KRT76: variants seen among roughly 807,000 people sequenced by gnomAD.
KRT76 encodes the protein keratin 76.
A neutral mutation model predicts 44.9 loss-of-function variants in KRT76; 47 were observed. The ratio of observed to expected loss-of-function variants is 1.05; its 90% CI spans 0.83 to 1.33. The LOEUF is 1.33. Ranked by LOEUF, KRT76 falls within the 40% of genes most tolerant of loss-of-function variation. The pLI, the probability that KRT76 is intolerant of heterozygous loss-of-function variation, is 0.00. For synonymous variants in KRT76, 331 were observed against 294.1 expected (o/e 1.13, Z -1.28); for missense variants, 860 against 775.8 (o/e 1.11, Z -1.29).
rs758251215 is a variant in KRT76, at chr12:52,776,708, G to T, written c.584C>A (p.Ala195Asp). ...EQIKTLNNKF[A>D]SFIDKVRFLE... is the part of the protein sequence containing the mutation. The stretch of plus-strand genomic sequence containing the variant: ...TGCCCTCACCTTGTCGATGAAGGAG[G>T]CAAACTTGTTGTTGAGGGTCTTGAT... Residue 195 changes from alanine (A) to aspartate (D), a missense_variant, in exon 1 of 9, where the codon GCC becomes GAC. Coordinates refer to ENST00000332411, the MANE Select transcript of KRT76 (RefSeq NM_015848.4). 6.2e-7 allele frequency: 1 copy of T among 1,613,996 alleles called. No homozygotes were observed. Among genetic ancestry groups the T allele is most frequent in the Non-Finnish European group, 8.5e-7 (1 of 1,180,050 alleles).
chr12:52,771,794 C>A, intron 6 of KRT76, 77 bp downstream of exon 6: 6 of 1,501,778 alleles, frequency 4.0e-6, no homozygotes, highest in Non-Finnish European at 5.4e-6. Flanking sequence ...GAGCATGTAG[C>A]AGAGGAGCAG....
rs538095107 is a variant in KRT76, at chr12:52,773,024, A to T, written c.877-146T>A. ...TCTCATCTTCCCTTTTAAAATAAGG[A>T]AGATCAAAATGGCTTTCTTCCTTTT... On this transcript the variant is annotated intron_variant, in intron 3 of 8. Transcript: ENST00000332411. 3.6e-5 allele frequency: 22 copies of T among 608,882 alleles called. No individual in the cohort carries two copies. The South Asian group carries it at 4.4e-4, about 12-fold the overall frequency. The allele number at this position is 608,882 out of a possible 1,614,324, so 37.7% of individuals were successfully genotyped here.
intron 7 of KRT76, among the ~76,000 whole-genome samples, chr12:52,770,052 C>A (rs1355679971): frequency 6.6e-6 from 1 of 152,168 alleles, no homozygotes; most frequent in Non-Finnish European, 1.5e-5. Context: ...GGGGCTGAAA[C>A]TCAATGCAGG....
At chr12:52,773,376 C>G (rs1285572232) in intron 3 of KRT76, among the ~76,000 whole-genome samples, 1 of 152,206 alleles carries the variant, frequency 6.6e-6, no homozygotes, top group African/African-American at 2.4e-5. Flanking sequence ...TCATTAGTCA[C>G]AGTAACATTT....
At chr12:52,773,746 C>A (rs1011208505) in intron 2 of KRT76, 104 bp from the exon 3 acceptor site, 3 of 863,558 alleles carry the variant, frequency 3.5e-6, no homozygotes, top group Admixed American at 2.1e-5. Context: ...ACAGGACGAG[C>A]TTCATGGGCA....
chr12:52,775,893 T>G (rs1939254453), intron 1 of KRT76, among the ~76,000 whole-genome samples: 1 of 152,052 alleles, frequency 6.6e-6, no homozygotes, highest in South Asian at 2.1e-4. Context: ...ACTCAAAGAG[T>G]TTAAGTTTCC....
At chr12:52,771,522 C>G (rs1939181509) in intron 6 of KRT76, among the ~76,000 whole-genome samples, 1 of 152,178 alleles carries the variant, frequency 6.6e-6, no homozygotes, top group Non-Finnish European at 1.5e-5. Context: ...CTTGCCTAAT[C>G]ACTTCATTCC....
chr12:52,773,251 T>A (rs1343616041), intron 3 of KRT76, among the ~76,000 whole-genome samples: 2 of 152,230 alleles, frequency 1.3e-5, no homozygotes, highest in Non-Finnish European at 2.9e-5. Flanking sequence ...GGTTTAAATA[T>A]GCTACAAGTA....
At chr12:52,770,037 T>A (rs1228552389) in intron 7 of KRT76, among the ~76,000 whole-genome samples, 1 of 152,148 alleles carries the variant, frequency 6.6e-6, no homozygotes, top group African/African-American at 2.4e-5. Flanking sequence ...GGAGAAAATA[T>A]GGGAGGGGCT....
At chr12:52,771,826 G>C in intron 6 of KRT76, 45 bp downstream of exon 6, 1 of 1,590,842 alleles carries the variant, frequency 6.3e-7, no homozygotes, top group Non-Finnish European at 8.6e-7. Context: ...CTTCTCTCCG[G>C]GGCCCAGAAG....
Position 52,769,044 on chromosome 12 carries a change from A to T in KRT76, c.1586T>A (p.Val529Asp). The change falls in exon 9 of 9, where the codon GTC becomes GAC. Residue 529 changes from valine to aspartate, a missense_variant. Coordinates refer to ENST00000332411, the MANE Select transcript of KRT76 (RefSeq NM_015848.4). ...GTAGCCACCACTGCCACTGCCACTG[A>T]CCCCTCCAAAAACTCCACGGCTACT... is the stretch of plus-strand genomic sequence containing the variant. ...SGSSRGVFGGVSGSGSGGYKG... is the reference protein window; with the variant it reads ...SGSSRGVFGGDSGSGSGGYKG... 1.3e-6 allele frequency: 1 copy of T among 753,070 alleles called. No homozygotes were observed. The highest frequency in any genetic ancestry group is 1.5e-5 in the South Asian group (1 of 68,304). The allele number at this position is 753,070 out of a possible 1,614,324, so 46.6% of individuals were successfully genotyped here.
At chr12:52,770,916 C>T (rs1939168971) in intron 7 of KRT76, 83 bp downstream of exon 7, 4 of 1,568,960 alleles carry the variant, frequency 2.5e-6, no homozygotes, top group Middle Eastern at 2.1e-4. Context: ...GTGTTCCTCT[C>T]CTTATCATCT....
intron 8 of KRT76, 142 bp from the exon 9 acceptor site, chr12:52,769,252 G>C: frequency 1.6e-6 from 1 of 610,062 alleles, no homozygotes; most frequent in South Asian, 2.0e-5. Flanking sequence ...CAAACCATGA[G>C]AGTGAGCCTG....
chr12:52,771,763 G>T, intron 6 of KRT76, 108 bp downstream of exon 6: 1 of 1,368,584 alleles, frequency 7.3e-7, no homozygotes, highest in Non-Finnish European at 9.9e-7. Flanking sequence ...TCCCACATGT[G>T]ACACCATGAA....
chr12:52,771,603 T>C (rs373112201), intron 6 of KRT76, among the ~76,000 whole-genome samples: 1 of 152,248 alleles, frequency 6.6e-6, no homozygotes, highest in Non-Finnish European at 1.5e-5. Flanking sequence ...CAGATCCTGC[T>C]GACATCTGAG....
chr12:52,776,555 TC>T (rs2121198910), intron 1 of KRT76, 136 bp downstream of exon 1: 1 of 1,407,020 alleles, frequency 7.1e-7, no homozygotes, highest in South Asian at 1.3e-5. Flanking sequence ...ATGATCACTG[TC>T]CTGTAGGGAC....
chr12:52,769,038 C>T lies in KRT76; in HGVS notation c.1592G>A (p.Gly531Asp), dbSNP rs1451667126. The change falls in exon 9 of 9, where the codon GGC (glycine) becomes GAC (aspartate). Residue 531 changes from glycine (G) to aspartate (D), a missense_variant. Coordinates refer to ENST00000332411, the MANE Select transcript of KRT76 (RefSeq NM_015848.4). The part of the protein sequence containing the change: ...SSRGVFGGVS[G>D]SGSGGYKGGS... ...GCCTTTGTAGCCACCACTGCCACTG[C>T]CACTGACCCCTCCAAAAACTCCACG... The T allele has an allele frequency of 1.3e-6, 1 of 760,298 alleles. No individual in the cohort carries two copies. The highest frequency in any genetic ancestry group is 2.4e-6 in the Non-Finnish European group (1 of 423,202). 47.1% of individuals were successfully genotyped at this position (760,298 alleles called of 1,614,324 possible).
Position 52,772,082 on chromosome 12 carries a change from G to T in KRT76, c.1137+12C>A. 6.2e-7 allele frequency: 1 copy of T among 1,607,424 alleles called. No homozygotes were observed. The highest frequency in any genetic ancestry group is 8.5e-7 in the Non-Finnish European group (1 of 1,175,882). On this transcript the variant is annotated intron_variant, in intron 5 of 8. Transcript: ENST00000332411. ...GGTCATCAGGATCCAAGGACACAGG[G>T]AGGGTTCCCACCTTGGTCTGGTACA...
intron 2 of KRT76, among the ~76,000 whole-genome samples, 158 bp downstream of exon 2, chr12:52,775,230 C>T (rs1939241927): frequency 6.6e-6 from 1 of 152,150 alleles, no homozygotes; most frequent in African/African-American, 2.4e-5. Context: ...TCTCAGTCCC[C>T]ACCCTTTCAC....
Sources: allele counts gnomAD v4.1 joint callset (sites outside exome capture counted in the v4.1 genomes callset), GRCh38; gene constraint gnomAD v4.1.1; transcripts MANE v1.5; gene names NCBI Gene and HGNC (gene_info 2026-07-23, HGNC 2026-07-21).